The following DCDC1 variants were observed in gnomAD, a reference collection of about 807,000 sequenced individuals.
DCDC1 encodes doublecortin domain containing 1, also known as doublecortin domain-containing protein 1.
A neutral mutation model predicts 178.3 loss-of-function variants in DCDC1; 200 were observed. That is an observed-to-expected ratio of 1.12 (90% CI 1.00 to 1.26). The LOEUF is 1.26. Ranked by LOEUF, DCDC1 falls within the 50% of genes most tolerant of loss-of-function variation. The probability of loss-of-function intolerance (pLI) is 0.00; values close to 1 mark genes in which losing one functional copy is unlikely to be tolerated. For synonymous variants in DCDC1, 690 were observed against 604.8 expected (o/e 1.14, Z -2.07); for missense variants, 1,983 against 1,749.2 (o/e 1.13, Z -2.38).
chr11:31,255,766 T>G (rs1944380798), intron 8 of DCDC1, among the ~76,000 whole-genome samples: 1 of 152,214 alleles, frequency 6.6e-6, no homozygotes, highest in Admixed American at 6.5e-5. Flanking sequence ...TTTTCCATTC[T>G]ATGGTTTGTC....
At position 30,936,050 on chromosome 11, in the gene DCDC1, T is replaced by A. The variant is rs1375337495; in HGVS notation, c.2716-4098A>T. Among the ~76,000 whole-genome samples the A allele has an allele frequency of 2.0e-5, 3 of 152,236 alleles. No homozygotes were observed. The East Asian group carries it at 5.8e-4, about 29-fold the overall frequency. On this transcript the variant is annotated intron_variant, in intron 21 of 38. Transcript: ENST00000684477. ...TTAATAGGGACCTTCCCAGTTTAGG[T>A]GGAGCTTGTCTTCTTTCCAAGTCTT...
intron 20 of DCDC1, among the ~76,000 whole-genome samples, chr11:30,959,152 G>T (rs1415910138): frequency 3.3e-5 from 5 of 152,116 alleles, no homozygotes; most frequent in Non-Finnish European, 7.4e-5. Flanking sequence ...CAGCAGTGAA[G>T]GTTGAGGCTT....
intron 7 of DCDC1, among the ~76,000 whole-genome samples, chr11:31,275,492 T>C (rs1056403566): frequency 2.0e-5 from 3 of 151,946 alleles, no homozygotes; most frequent in African/African-American, 7.3e-5. Context: ...CTGTCGTCGT[T>C]GTTGTTGTTG....
At chr11:31,210,510 A>G (rs1184073503) in intron 9 of DCDC1, among the ~76,000 whole-genome samples, 6 of 152,082 alleles carry the variant, frequency 3.9e-5, no homozygotes, top group Non-Finnish European at 8.8e-5. Context: ...CAGGAGTTCA[A>G]GACCAGCCTG....
At chr11:30,903,895 T>C (rs1473441201) in intron 31 of DCDC1, 1 of 371,792 alleles carries the variant, frequency 2.7e-6, no homozygotes, top group East Asian at 4.1e-5. Flanking sequence ...CCAATCCAGC[T>C]GTAAATTTCC....
chr11:30,942,924 G>A (rs188796811), intron 21 of DCDC1, among the ~76,000 whole-genome samples: 132 of 152,260 alleles, frequency 8.7e-4, no homozygotes, highest in African/African-American at 3.1e-3. Context: ...TTTAATTCTC[G>A]TTCTGGTGTT....
At position 31,289,591 on chromosome 11, in the gene DCDC1, A is replaced by G. The variant is rs553153178; in HGVS notation, c.960+1056T>C. Reference sequence around the variant, plus strand: ...AGCAACATTCAATTCGAAATAGTATAGTATAACAAAATTATCTTGATTTCA... The same window carrying G: ...AGCAACATTCAATTCGAAATAGTATGGTATAACAAAATTATCTTGATTTCA... On this transcript the variant is annotated intron_variant, in intron 7 of 38. Transcript: ENST00000684477. Among the ~76,000 whole-genome samples the G allele has an allele frequency of 5.3e-5, 8 of 152,234 alleles. No individual in the cohort carries two copies. The South Asian group carries it at 1.4e-3, about 28-fold the overall frequency.
At chr11:31,293,548 G>T (rs754236136) in intron 6 of DCDC1, among the ~76,000 whole-genome samples, 8 of 152,102 alleles carry the variant, frequency 5.3e-5, no homozygotes, top group African/African-American at 1.9e-4. Flanking sequence ...TCCTCAAATT[G>T]TGTCCCAGTG....
rs1944967973 is a variant in DCDC1 at position 30,905,139 on chromosome 11, T to C, written c.4130A>G (p.Glu1377Gly). 1.2e-6 allele frequency: 2 copies of C among 1,607,162 alleles called. No homozygotes were observed. Among genetic ancestry groups the C allele is most frequent in the East Asian group, 4.5e-5 (2 of 44,738 alleles). Reference protein sequence around the residue: ...AEVDLSCDKAEKTLSYYQARL... With the variant: ...AEVDLSCDKAGKTLSYYQARL... ...TGCTTGGTAGTAACTTAGAGTTTTT[T>C]CAGCCTTGTCACACGACAAATCAAC... Residue 1377 changes from glutamate to glycine, a missense_variant, in exon 31 of 39, where the codon GAA becomes GGA. Coordinates refer to ENST00000684477, the MANE Select transcript of DCDC1 (RefSeq NM_001387274.1).
chr11:31,304,010 T>C (rs1948295110), intron 6 of DCDC1, among the ~76,000 whole-genome samples: 1 of 152,160 alleles, frequency 6.6e-6, no homozygotes, highest in African/African-American at 2.4e-5. Flanking sequence ...CAGCAGTGCA[T>C]GTCACAGTGA....
At chr11:30,912,305 A>C (rs762268997) in intron 27 of DCDC1, among the ~76,000 whole-genome samples, 2 of 149,810 alleles carry the variant, frequency 1.3e-5, no homozygotes, top group Non-Finnish European at 3.0e-5. Flanking sequence ...CTTTTTTGAG[A>C]TGGAGATTCA....
At chr11:31,179,684 C>T (rs1464789951) in intron 9 of DCDC1, among the ~76,000 whole-genome samples, 1 of 152,094 alleles carries the variant, frequency 6.6e-6, no homozygotes, top group Non-Finnish European at 1.5e-5. Flanking sequence ...ATTGGATGGC[C>T]TCACTGCTGA....
intron 20 of DCDC1, among the ~76,000 whole-genome samples, chr11:30,961,226 T>C (rs1949076137): frequency 6.6e-6 from 1 of 152,120 alleles, no homozygotes; most frequent in African/African-American, 2.4e-5. Context: ...AAAAAGATAC[T>C]ATTTAGCACT....
chr11:30,885,379 T>A (rs1309078871), intron 36 of DCDC1, among the ~76,000 whole-genome samples: 1 of 151,984 alleles, frequency 6.6e-6, no homozygotes, highest in African/African-American at 2.4e-5. Context: ...ATAAAATGTA[T>A]TACTTTCTAT....
intron 20 of DCDC1, among the ~76,000 whole-genome samples, chr11:31,008,789 A>T (rs1952000283): frequency 1.3e-5 from 2 of 152,206 alleles, no homozygotes; most frequent in South Asian, 4.1e-4. Context: ...GACTGATTCT[A>T]CATGTTTTAA....
chr11:31,307,979 T>C (rs1193964447), intron 3 of DCDC1, 71 bp from the exon 4 acceptor site: 2 of 1,577,330 alleles, frequency 1.3e-6, no homozygotes, highest in African/African-American at 1.3e-5. Context: ...TACCATATAA[T>C]AACGAGTTGT....
intron 20 of DCDC1, chr11:30,992,814 T>C (rs1480198890): frequency 6.6e-6 from 1 of 152,188 alleles, no homozygotes; most frequent in East Asian, 1.9e-4. Context: ...TTCCTGACTG[T>C]CAATATTAGT....
intron 3 of DCDC1, among the ~76,000 whole-genome samples, chr11:31,319,447 G>T (rs950122183): frequency 1.5e-5 from 1 of 67,978 alleles, no homozygotes; most frequent in Non-Finnish European, 2.6e-5. Context: ...TTGGTTTAAA[G>T]TCTGTTTTAT....
At chr11:31,368,842 C>T (rs1265286618) in intron 1 of DCDC1, among the ~76,000 whole-genome samples, 1 of 151,880 alleles carries the variant, frequency 6.6e-6, no homozygotes, top group Non-Finnish European at 1.5e-5. Flanking sequence ...TCTCCAGGTA[C>T]AATGCTAGGA....
Sources: gnomAD v4.1 joint callset for allele counts (sites outside exome capture counted in the v4.1 genomes callset) on GRCh38, gnomAD v4.1.1 for gene constraint, MANE v1.5 for transcripts, NCBI Gene and HGNC (gene_info 2026-07-23, HGNC 2026-07-21) for gene names.